The following TP63 variants were observed in gnomAD, a reference collection of about 807,000 sequenced individuals.
TP63 encodes tumor protein p63.
In TP63, 17 loss-of-function variants were observed where a neutral mutation model predicts 82.8. That is an observed-to-expected ratio of 0.21 (90% CI 0.14 to 0.31). TP63 has a LOEUF of 0.31. TP63 is among the 10% of genes least tolerant of loss of function. TP63 has a pLI of 1.00. For synonymous variants in TP63, 330 were observed against 321.7 expected (o/e 1.03, Z -0.28); for missense variants, 648 against 895.3 (o/e 0.72, Z 3.52).
intron 1 of TP63, among the ~76,000 whole-genome samples, chr3:189,667,485 G>C (rs1714506351): frequency 6.6e-6 from 1 of 152,020 alleles, no homozygotes; most frequent in African/African-American, 2.4e-5. Context: ...TGCTGAAGGA[G>C]GTAGAATCTG....
intron 1 of TP63, among the ~76,000 whole-genome samples, chr3:189,684,779 C>T (rs922524327): frequency 8.6e-5 from 13 of 151,704 alleles, no homozygotes; most frequent in Admixed American, 8.5e-4. Context: ...TACAGGCATA[C>T]GTTACCAAGC....
At chr3:189,755,897 G>C (rs535273236) in intron 3 of TP63, among the ~76,000 whole-genome samples, 50 of 152,230 alleles carry the variant, frequency 3.3e-4, no homozygotes, top group Non-Finnish European at 5.7e-4. Flanking sequence ...AGTGTCTCTC[G>C]ATATACCTTT....
At chr3:189,678,951 T>A (rs976190987) in intron 1 of TP63, among the ~76,000 whole-genome samples, 2 of 152,042 alleles carry the variant, frequency 1.3e-5, no homozygotes, top group Admixed American at 1.3e-4. Context: ...AAGTTGGTTT[T>A]GTACCCTGAT....
intron 10 of TP63, among the ~76,000 whole-genome samples, chr3:189,884,571 T>C (rs1720247958): frequency 6.6e-6 from 1 of 152,208 alleles, no homozygotes; most frequent in Non-Finnish European, 1.5e-5. Flanking sequence ...TCCACAAGGA[T>C]GGTGTGACAA....
At chr3:189,771,326 AT>A (rs547540962) in intron 3 of TP63, among the ~76,000 whole-genome samples, 6 of 135,164 alleles carry the variant, frequency 4.4e-5, no homozygotes, top group African/African-American at 1.2e-4. Flanking sequence ...TTATATATTT[AT>A]ATATAATATA....
At chr3:189,879,960 A>T (rs1719720606) in intron 10 of TP63, 3 of 1,463,500 alleles carry the variant, frequency 2.0e-6, no homozygotes, top group Non-Finnish European at 2.7e-6. Flanking sequence ...TTCTGTCTAT[A>T]CTATGATCAT....
intron 1 of TP63, among the ~76,000 whole-genome samples, chr3:189,654,296 C>T (rs1049733376): frequency 6.7e-6 from 1 of 149,970 alleles, no homozygotes; most frequent in African/African-American, 2.4e-5. Context: ...AATGGCAGGA[C>T]TCATGGCAGA....
chr3:189,837,041 T>C (rs1010278165), intron 4 of TP63, among the ~76,000 whole-genome samples: 2 of 152,190 alleles, frequency 1.3e-5, no homozygotes, highest in African/African-American at 4.8e-5. Flanking sequence ...AGTAGGGGAA[T>C]GAGCCTTCTG....
intron 4 of TP63, chr3:189,829,859 C>CA (rs1712034985): frequency 2.8e-6 from 1 of 356,622 alleles, no homozygotes; most frequent in Admixed American, 4.1e-5. Context: ...ATTACCAGAC[C>CA]AATATAACCT....
chr3:189,780,683 T>C (rs747839104), intron 3 of TP63, among the ~76,000 whole-genome samples: 2 of 152,172 alleles, frequency 1.3e-5, no homozygotes, highest in East Asian at 1.9e-4. Flanking sequence ...AGGTGCTTTT[T>C]CTCCCATGGC....
At chr3:189,694,513 C>G (rs945069902) in intron 1 of TP63, among the ~76,000 whole-genome samples, 7 of 152,040 alleles carry the variant, frequency 4.6e-5, no homozygotes, top group Non-Finnish European at 1.0e-4. Flanking sequence ...TTAAGGCATG[C>G]TGTTCAGAAA....
intron 4 of TP63, among the ~76,000 whole-genome samples, chr3:189,831,698 G>A (rs879904172): frequency 2.6e-5 from 4 of 151,550 alleles, no homozygotes; most frequent in African/African-American, 4.9e-5. Context: ...TCTCTAATAC[G>A]AGAACACTGT....
rs1713417642 is a variant in TP63, at chr3:189,656,885, G to C, written c.62+25308G>C. 2.0e-5 allele frequency among the ~76,000 whole-genome samples: 3 copies of C among 151,894 alleles called. No homozygotes were observed. The South Asian group carries it at 6.2e-4, about 32-fold the overall frequency. On this transcript the variant is annotated intron_variant, in intron 1 of 13. Transcript: ENST00000264731. ...GGAAAATAGACAACTTTATTATTAG[G>C]GTTTGAAATTTTAACACCAAAAATT...
At chr3:189,761,010 G>T (rs537826181) in intron 3 of TP63, among the ~76,000 whole-genome samples, 18 of 152,238 alleles carry the variant, frequency 1.2e-4, no homozygotes, top group African/African-American at 3.9e-4. Context: ...GGGATGCAGG[G>T]CACCAAGTCC....
chr3:189,714,604 C>T (rs1718825197), intron 1 of TP63, among the ~76,000 whole-genome samples: 1 of 152,148 alleles, frequency 6.6e-6, no homozygotes, highest in Non-Finnish European at 1.5e-5. Context: ...CTGTATCTCT[C>T]ACTGATGTAC....
upstream of TP63, among the ~76,000 whole-genome samples, chr3:189,626,965 G>A (rs1729333090): frequency 6.6e-6 from 1 of 151,896 alleles, no homozygotes; most frequent in South Asian, 2.1e-4. Flanking sequence ...CTTTAGGTAG[G>A]CAGAATCAGT....
chr3:189,791,556 A>G (rs1185338178), intron 3 of TP63, among the ~76,000 whole-genome samples: 1 of 152,114 alleles, frequency 6.6e-6, no homozygotes, highest in Non-Finnish European at 1.5e-5. Flanking sequence ...CAAGAGCTAC[A>G]AAAGGCATCC....
chr3:189,641,842 C>G (rs1376488200), intron 1 of TP63, among the ~76,000 whole-genome samples: 1 of 152,148 alleles, frequency 6.6e-6, no homozygotes, highest in African/African-American at 2.4e-5. Context: ...CCTGAATTAT[C>G]TCATATAACA....
intron 1 of TP63, among the ~76,000 whole-genome samples, chr3:189,693,402 C>A (rs1021071414): frequency 6.6e-6 from 1 of 152,030 alleles, no homozygotes; most frequent in African/African-American, 2.4e-5. Context: ...TAATTAAAAC[C>A]AAGGGAGAAG....
Sources: allele counts gnomAD v4.1 joint callset (sites outside exome capture counted in the v4.1 genomes callset), GRCh38; gene constraint gnomAD v4.1.1; transcripts MANE v1.5; gene names NCBI Gene and HGNC (gene_info 2026-07-23, HGNC 2026-07-21).